Variants in CACNA1F observed in about 807,000 individuals in gnomAD.
CACNA1F encodes calcium voltage-gated channel subunit alpha1 F, also known as voltage-dependent L-type calcium channel subunit alpha-1F.
In CACNA1F, 59 loss-of-function variants were observed where a neutral mutation model predicts 143.8. The ratio of observed to expected loss-of-function variants is 0.41; its 90% CI spans 0.33 to 0.51. The LOEUF (loss-of-function observed/expected upper bound fraction) is 0.51. Ranked by LOEUF, CACNA1F falls within the 20% of genes least tolerant of loss-of-function variation. The pLI is 0.22. For synonymous variants in CACNA1F, 643 were observed against 649.1 expected (o/e 0.99, Z 0.14); for missense variants, 1,411 against 1,647.5 (o/e 0.86, Z 2.48).
intron 6 of CACNA1F, among the ~76,000 whole-genome samples, chrX:49,229,939 TGTCTTAAGTGCGGGGCACTTGCACTTAA>T (rs782783487): frequency 2.7e-5 from 3 of 112,512 alleles, no homozygotes; most frequent in Admixed American, 9.4e-5. Context: ...CGCAGAGTCT[TGTCTTAAGTGCGGGGCACTTGCACTTAA>T]GTCTTAAGTG....
chrX:49,212,156 C>G (rs1281099625), intron 34 of CACNA1F, 87 bp downstream of exon 34: 3 of 888,156 alleles, frequency 3.4e-6, no homozygotes, highest in African/African-American at 3.9e-5. Flanking sequence ...GTCTGTCTAC[C>G]TGCCACCCCT....
intron 43 of CACNA1F, 34 bp downstream of exon 43, chrX:49,208,481 C>G: frequency 1.0e-6 from 1 of 994,502 alleles, no homozygotes; most frequent in South Asian, 1.9e-5. Flanking sequence ...TCCTTGCCTT[C>G]CCTCACAATC....
At chrX:49,219,603 T>C in intron 20 of CACNA1F, 31 bp downstream of exon 20, 1 of 1,186,290 alleles carries the variant, frequency 8.4e-7, no homozygotes, top group Middle Eastern at 2.3e-4. Flanking sequence ...TAGCCCCTCC[T>C]GCCTCACCCC....
rs959244056 is a variant in CACNA1F, at chrX:49,205,663, C to T, written c.5623G>A (p.Asp1875Asn). ...TCLHVPGTHS[D>N]PSHGKRGSAD... ...CTGCCCCTCTTCCCATGGCTGGGGT[C>T]CGAGTGGGTTCCAGGCACGTGCAGA... Residue 1875 changes from aspartate to asparagine, a missense_variant, in exon 47 of 48, where the codon GAC becomes AAC. By Grantham distance (23) the Asp-to-Asn change is conservative (BLOSUM62 1). Transcript: ENST00000323022. The T allele has an allele frequency of 1.7e-6, 2 of 1,202,586 alleles. No homozygotes were observed. Among genetic ancestry groups the T allele is most frequent in the African/African-American group, 3.5e-5 (2 of 56,968 alleles).
At chrX:49,233,047 T>A (rs1361612317) in intron 1 of CACNA1F, among the ~76,000 whole-genome samples, 1 of 109,775 alleles carries the variant, frequency 9.1e-6, no homozygotes, top group African/African-American at 3.3e-5. Context: ...TGGGTTTCCT[T>A]TGGGAACTAA....
Position 49,224,743 on chromosome X carries a change from C to T in CACNA1F, c.1877+18G>A, listed in dbSNP as rs180747640. 9.3e-7 allele frequency: 1 copy of T among 1,080,343 alleles called. No individual in the cohort carries two copies. Among genetic ancestry groups the T allele is most frequent in the East Asian group, 3.3e-5 (1 of 30,378 alleles). The allele number at this position is 1,080,343 out of a possible 1,213,427, so 89.0% of individuals were successfully genotyped here. A position where few individuals can be genotyped will look rare whatever the true frequency, so the allele number is the denominator to read the frequency against. On this transcript the variant is annotated intron_variant, in intron 14 of 47. Coordinates refer to ENST00000323022, the MANE Select transcript of CACNA1F (RefSeq NM_001256789.3). ...GCTGTGTTTGAGGCCCTTGTCTTCC[C>T]CCTCCCCTAATACAAACCTGGTGAC...
At chrX:49,232,446 C>T (rs974255555) in intron 1 of CACNA1F, among the ~76,000 whole-genome samples, 1 of 111,694 alleles carries the variant, frequency 9.0e-6, no homozygotes, top group Admixed American at 9.5e-5. Flanking sequence ...GTAGATTGGC[C>T]TGGTTAAGAT....
intron 12 of CACNA1F, 34 bp from the exon 13 acceptor site, chrX:49,226,103 C>G: frequency 8.4e-7 from 1 of 1,184,787 alleles, no homozygotes; most frequent in South Asian, 1.8e-5. Flanking sequence ...CTGAGATCAC[C>G]TACCTAAGCC....
In CACNA1F at chrX:49,222,980, G is replaced by T; in HGVS notation, c.2034C>A (p.Thr678=). 1 of 1,199,042 alleles carries T rather than the reference G, an allele frequency of 8.3e-7. No individual in the cohort carries two copies. The highest frequency in any genetic ancestry group is 1.1e-6 in the Non-Finnish European group (1 of 889,096). ...GGAACGTGTCAAAGGTGCTTCGCTT[G>T]GTGTGGGTCTGGTCAAAGTTGAACT... ...GGKFNFDQTH[T]KRSTFDTFPQ... The change falls in exon 15 of 48, where the codon ACC becomes ACA. Residue 678 remains threonine (T), a synonymous_variant. Coordinates refer to ENST00000323022, the MANE Select transcript of CACNA1F (RefSeq NM_001256789.3).
chrX:49,213,811 G>A lies in CACNA1F; in HGVS notation c.3792+8C>T, dbSNP rs782504306. The A allele has an allele frequency of 8.6e-7, 1 of 1,159,190 alleles. No individual in the cohort carries two copies. Among genetic ancestry groups the A allele is most frequent in the Non-Finnish European group, 1.2e-6 (1 of 847,359 alleles). On this transcript the variant is annotated splice_region_variant and intron_variant, in intron 31 of 47. Transcript: ENST00000323022. ...CGAGAGTGGATTAGTGGAAAGGCCA[G>A]TTCTCACATTGACTTCAGTGACGGC...
rs781795127 is a variant in CACNA1F at position 49,220,541 on chromosome X, G to T, written c.2335-17C>A. On this transcript the variant is annotated splice_polypyrimidine_tract_variant and intron_variant, in intron 18 of 47. Coordinates refer to ENST00000323022, the MANE Select transcript of CACNA1F (RefSeq NM_001256789.3). ...ACCAGGCACCTGAGGACAGGAAGAC[G>T]GGAGTCATCAATGGTGAGGGAGACA... The T allele has an allele frequency of 8.5e-7, 1 of 1,182,849 alleles. No individual in the cohort carries two copies.
rs782147268 is a variant in CACNA1F at position 49,222,959 on chromosome X, C to T, written c.2055G>A (p.Thr685=). ...QTHTKRSTFD[T]FPQALLTVFQ... is the part of the protein sequence containing the mutation. ...AGACAGTGAGGAGGGCCTGGGGGAA[C>T]GTGTCAAAGGTGCTTCGCTTGGTGT... Residue 685 remains threonine, a synonymous_variant, in exon 15 of 48, where the codon ACG becomes ACA. Coordinates refer to ENST00000323022, the MANE Select transcript of CACNA1F (RefSeq NM_001256789.3). 2.2e-5 allele frequency: 26 copies of T among 1,199,907 alleles called. No individual in the cohort carries two copies. The highest frequency in any genetic ancestry group is 1.9e-4 in the African/African-American group (11 of 56,478).
chrX:49,228,267 G>A lies in CACNA1F; in HGVS notation c.998C>T (p.Thr333Ile). The change falls in exon 7 of 48, where the codon ACC becomes ATC. Residue 333 changes from threonine (T) to isoleucine (I), a missense_variant. Transcript: ENST00000323022. ...CCACCTCACCCAGTAGAGCACATCG[G>A]TCCAGCCTTCCATGGTGACACACTG... ...VFQCVTMEGW[T>I]DVLYWMQDAM... The A allele has an allele frequency of 8.3e-7, 1 of 1,211,629 alleles. No individual in the cohort carries two copies. Among genetic ancestry groups the A allele is most frequent in the Non-Finnish European group, 1.1e-6 (1 of 895,013 alleles).
Position 49,225,963 on chromosome X carries a change from A to C in CACNA1F, c.1597T>G (p.Leu533Val), listed in dbSNP as rs1557109729. 4.3e-6 allele frequency: 5 copies of C among 1,171,178 alleles called. No homozygotes were observed. In the South Asian group the frequency reaches 9.5e-5, roughly 22 times the overall value. The change falls in exon 13 of 48, where the codon TTG becomes GTG. Residue 533 changes from leucine (L) to valine (V), a missense_variant. Physicochemically the swap from Leu to Val is conservative, Grantham distance 32. Around this residue, in one of 3 missense-constraint regions of CACNA1F, gnomAD observed 950 missense variants for 1,128.1 expected, o/e 0.84. Transcript: ENST00000323022. ...AVLLLVFLNT[L>V]TIASEHHGQP... ...CCGTGGTGCTCAGAGGCGATGGTCA[A>C]CGTGTTGAGGAAGACGAGCAACAGC...
Position 49,215,562 on chromosome X carries a change from G to C in CACNA1F, c.3237-19C>G, listed in dbSNP as rs372305587. The C allele has an allele frequency of 9.7e-7, 1 of 1,031,724 alleles. No homozygotes were observed. Among genetic ancestry groups the C allele is most frequent in the Non-Finnish European group, 1.3e-6 (1 of 741,416 alleles). The allele number at this position is 1,031,724 out of a possible 1,213,427, so 85.0% of individuals were successfully genotyped here. On this transcript the variant is annotated intron_variant, in intron 27 of 47. Coordinates refer to ENST00000323022, the MANE Select transcript of CACNA1F (RefSeq NM_001256789.3). ...TAGCAGTCTGTGGGAGCCAGAGGGGGGGTAGAGGTGGGGGCAGGTGAGGGG... is the reference window on the plus strand; with the variant it reads ...TAGCAGTCTGTGGGAGCCAGAGGGGCGGTAGAGGTGGGGGCAGGTGAGGGG...
chrX:49,218,412 G>C lies in CACNA1F; in HGVS notation c.2928+43C>G, dbSNP rs782062187. 30 of 1,055,787 alleles carry C rather than the reference G, an allele frequency of 2.8e-5. No homozygotes were observed. The Admixed American group carries it at 7.8e-4, about 28-fold the overall frequency. The allele number at this position is 1,055,787 out of a possible 1,213,427, so 87.0% of individuals were successfully genotyped here. ...ATCAGTGATCCTGGCCCCAGGGGCA[G>C]GGCAGGGCCTGGGTCCTGTGGGTTT... On this transcript the variant is annotated intron_variant, in intron 24 of 47. Transcript: ENST00000323022.
At chrX:49,215,889 C>G (rs2065710699) in intron 27 of CACNA1F, among the ~76,000 whole-genome samples, 1 of 108,891 alleles carries the variant, frequency 9.2e-6, no homozygotes, top group African/African-American at 3.4e-5. Context: ...CATGCGCCTC[C>G]CCAGAACTTC....
rs782027982 is a variant in CACNA1F at position 49,230,461 on chromosome X, A to G, written c.664+6T>C. ...CACCTCCGACCTCGGGGGATGTGCC[A>G]CTCACTCGGGACCCCAGACACCAGC... On this transcript the variant is annotated splice_donor_region_variant and intron_variant, in intron 5 of 47. Coordinates refer to ENST00000323022, the MANE Select transcript of CACNA1F (RefSeq NM_001256789.3). 2.8e-5 allele frequency: 34 copies of G among 1,205,710 alleles called. No homozygotes were observed. Among genetic ancestry groups the G allele is most frequent in the Non-Finnish European group, 3.5e-5 (31 of 893,396 alleles).
intron 43 of CACNA1F, 97 bp downstream of exon 43, chrX:49,208,411 GCCCTCCC>G: frequency 1.7e-5 from 7 of 414,454 alleles, no homozygotes; most frequent in East Asian, 4.6e-5. Flanking sequence ...AGGCCTCTAG[GCCCTCCC>G]TCCCACCCCC....
Sources: allele counts gnomAD v4.1 joint callset (sites outside exome capture counted in the v4.1 genomes callset), GRCh38; gene constraint gnomAD v4.1.1; regional missense constraint gnomAD v4.1.1; transcripts MANE v1.5; gene names NCBI Gene and HGNC (gene_info 2026-07-23, HGNC 2026-07-21).